The following PTPRN2 variants were observed in gnomAD, a reference collection of about 807,000 sequenced individuals.
PTPRN2 encodes the protein protein tyrosine phosphatase receptor type N2.
PTPRN2 carries 74 observed loss-of-function variants against 118.8 expected under a neutral mutation model. The observed-to-expected ratio is 0.62, with a 90% confidence interval of 0.52 to 0.76. PTPRN2 has a LOEUF of 0.76. Among genes scored for constraint, PTPRN2 ranks in the 30% least tolerant of loss-of-function variants. The pLI is 0.00. For synonymous variants in PTPRN2, 641 were observed against 608.0 expected (o/e 1.05, Z -0.80); for missense variants, 1,481 against 1,394.4 (o/e 1.06, Z -0.99).
At chr7:157,576,860 GC>G in intron 18 of PTPRN2, 81 bp from the exon 19 acceptor site, 1 of 1,383,690 alleles carries the variant, frequency 7.2e-7, no homozygotes, top group Non-Finnish European at 9.8e-7. Context: ...GGAACCCAGG[GC>G]CACGTCTGAC....
chr7:158,199,060 AAGTTCTC>A (rs913177661), intron 4 of PTPRN2, among the ~76,000 whole-genome samples: 6 of 150,350 alleles, frequency 4.0e-5, no homozygotes, highest in African/African-American at 7.4e-5. Context: ...GCATGTTCTC[AAGTTCTC>A]AGTTCTCAGG....
At position 158,407,382 on chromosome 7, in the gene PTPRN2, GGTCCTGC is replaced by G. The variant is rs1395199300; in HGVS notation, c.163+82346_163+82352del. Among the ~76,000 whole-genome samples the G allele has an allele frequency of 4.5e-4, 19 of 42,490 alleles. 1 individual carries two copies. The highest frequency in any genetic ancestry group is 1.4e-3 in the African/African-American group (18 of 13,178). 27.9% of individuals were successfully genotyped at this position (42,490 alleles called of 152,430 possible). ...CCTGCGTCCTGGGTCCTGGGTCCTG[GGTCCTGC>G]GTCCTGGGTCCTGCGTCCTGGGTCC... On this transcript the variant is annotated intron_variant, in intron 2 of 22. Coordinates refer to ENST00000389418, the MANE Select transcript of PTPRN2 (RefSeq NM_002847.5).
intron 12 of PTPRN2, among the ~76,000 whole-genome samples, chr7:157,860,372 G>C (rs868265123): frequency 6.6e-6 from 1 of 152,168 alleles, no homozygotes; most frequent in South Asian, 2.1e-4. Flanking sequence ...CACAGCCTTC[G>C]CGCCTCTCCA....
intron 5 of PTPRN2, among the ~76,000 whole-genome samples, chr7:158,189,657 G>A (rs1482903463): frequency 3.9e-5 from 6 of 152,170 alleles, no homozygotes; most frequent in Non-Finnish European, 8.8e-5. Context: ...TTTTAATGAC[G>A]CCTCCCCCTT....
intron 11 of PTPRN2, among the ~76,000 whole-genome samples, chr7:158,077,503 AG>A (rs1812457999): frequency 1.4e-5 from 2 of 139,082 alleles, no homozygotes; most frequent in Admixed American, 1.4e-4. Flanking sequence ...TCAGGACAGG[AG>A]CCCCCCATGA....
Position 158,382,882 on chromosome 7 carries a change from G to A in PTPRN2, c.164-65950C>T, listed in dbSNP as rs988484199. On this transcript the variant is annotated intron_variant, in intron 2 of 22. Transcript: ENST00000389418. ...AACCCTATCAGTGGGCTTTAGAGTGGCAAATGAGTTGGAAAAAAGTGCACA... is the reference window on the plus strand; with the variant it reads ...AACCCTATCAGTGGGCTTTAGAGTGACAAATGAGTTGGAAAAAAGTGCACA... Among the ~76,000 whole-genome samples, 6 of 152,260 alleles carry A rather than the reference G, an allele frequency of 3.9e-5. No homozygotes were observed. The South Asian group carries it at 6.2e-4, about 16-fold the overall frequency.
At chr7:157,833,010 T>C (rs557351505) in intron 12 of PTPRN2, among the ~76,000 whole-genome samples, 1 of 152,192 alleles carries the variant, frequency 6.6e-6, no homozygotes, top group South Asian at 2.1e-4. Context: ...AGGAGCGAGA[T>C]GTGGCCGGTG....
intron 14 of PTPRN2, among the ~76,000 whole-genome samples, chr7:157,639,860 C>G (rs1476221238): frequency 6.6e-6 from 1 of 152,222 alleles, no homozygotes; most frequent in African/African-American, 2.4e-5. Flanking sequence ...TGGGAAGACG[C>G]TTGAAACATG....
At chr7:157,693,273 T>A (rs1797605776) in intron 12 of PTPRN2, among the ~76,000 whole-genome samples, 1 of 151,958 alleles carries the variant, frequency 6.6e-6, no homozygotes, top group African/African-American at 2.4e-5. Flanking sequence ...CTGATGTGTG[T>A]GTGCCCGTGG....
At chr7:158,411,057 C>CTCCTCAACACCA (rs1814041683) in intron 2 of PTPRN2, among the ~76,000 whole-genome samples, 1 of 152,130 alleles carries the variant, frequency 6.6e-6, no homozygotes. Context: ...CCTGCGAACC[C>CTCCTCAACACCA]GGGGCCCTCT....
intron 11 of PTPRN2, among the ~76,000 whole-genome samples, chr7:157,906,886 C>T (rs1584993416): frequency 6.6e-6 from 1 of 152,166 alleles, no homozygotes; most frequent in Admixed American, 6.5e-5. Flanking sequence ...GAAGGCCCTG[C>T]TCTAAGCTTC....
intron 5 of PTPRN2, among the ~76,000 whole-genome samples, chr7:158,170,841 C>T (rs1222227525): frequency 6.6e-6 from 1 of 152,052 alleles, no homozygotes; most frequent in Non-Finnish European, 1.5e-5. Context: ...AGCTTAATGA[C>T]CTTTGCTTCA....
chr7:157,689,565 G>A (rs1387956908), intron 12 of PTPRN2, among the ~76,000 whole-genome samples: 2 of 152,222 alleles, frequency 1.3e-5, no homozygotes, highest in African/African-American at 4.8e-5. Flanking sequence ...ACTCTAACTT[G>A]GGGGTTCGCC....
intron 3 of PTPRN2, among the ~76,000 whole-genome samples, chr7:158,229,027 G>A (rs923301711): frequency 2.6e-5 from 4 of 152,076 alleles, no homozygotes; most frequent in Admixed American, 2.0e-4. Context: ...GGTCCCCTCA[G>A]CACGAGGCCC....
intron 3 of PTPRN2, among the ~76,000 whole-genome samples, chr7:158,281,748 A>G (rs1799441289): frequency 6.6e-6 from 1 of 152,160 alleles, no homozygotes; most frequent in Non-Finnish European, 1.5e-5. Flanking sequence ...AGGAGCCAGG[A>G]GAGCCCAAAA....
At chr7:158,410,972 C>A (rs901075615) in intron 2 of PTPRN2, among the ~76,000 whole-genome samples, 4 of 152,262 alleles carry the variant, frequency 2.6e-5, no homozygotes, top group East Asian at 1.9e-4. Context: ...ACCCAGGTGA[C>A]CCCAGACATG....
At chr7:158,547,403 C>T (rs1355486690) in intron 1 of PTPRN2, among the ~76,000 whole-genome samples, 1 of 152,062 alleles carries the variant, frequency 6.6e-6, no homozygotes, top group African/African-American at 2.4e-5. Flanking sequence ...CTCCCCAGCC[C>T]CCGGCAACAC....
At chr7:157,542,024 G>T (rs1369212986) in intron 22 of PTPRN2, among the ~76,000 whole-genome samples, 1 of 152,174 alleles carries the variant, frequency 6.6e-6, no homozygotes, top group African/African-American at 2.4e-5. Flanking sequence ...CCACCTCAGG[G>T]TGGGACCCGG....
intron 6 of PTPRN2, among the ~76,000 whole-genome samples, chr7:158,151,912 G>A (rs899116170): frequency 5.3e-5 from 8 of 152,168 alleles, no homozygotes; most frequent in East Asian, 1.9e-4. Context: ...GGTGGCTCAC[G>A]CCTGTAATCC....
Sources: allele counts gnomAD v4.1 joint callset (sites outside exome capture counted in the v4.1 genomes callset), GRCh38; gene constraint gnomAD v4.1.1; transcripts MANE v1.5; gene names NCBI Gene and HGNC (gene_info 2026-07-23, HGNC 2026-07-21).